Variants in FSIP1 observed in about 807,000 individuals in gnomAD.
FSIP1 encodes fibrous sheath-interacting protein 1.
FSIP1 carries 65 observed loss-of-function variants against 60.9 expected under a neutral mutation model. That is an observed-to-expected ratio of 1.07 (90% CI 0.87 to 1.31). The LOEUF is 1.31. Ranked by LOEUF, FSIP1 falls within the 40% of genes most tolerant of loss-of-function variation. The pLI is 0.00. For missense variants in FSIP1, 675 were observed against 665.5 expected (o/e 1.01, Z -0.16); for synonymous variants, 209 against 221.2 (o/e 0.94, Z 0.49).
intron 2 of FSIP1, among the ~76,000 whole-genome samples, chr15:39,774,784 T>C (rs1343966824): frequency 6.6e-6 from 1 of 152,090 alleles, no homozygotes; most frequent in Non-Finnish European, 1.5e-5. Context: ...GGCAGAAAAA[T>C]ATCAAAGGCA....
chr15:39,708,025 C>T (rs778649906), intron 10 of FSIP1, among the ~76,000 whole-genome samples: 1 of 152,178 alleles, frequency 6.6e-6, no homozygotes, highest in Non-Finnish European at 1.5e-5. Flanking sequence ...GATGGAGAGA[C>T]TGTCTGTGGG....
intron 11 of FSIP1, among the ~76,000 whole-genome samples, chr15:39,614,516 G>A (rs1049572047): frequency 1.2e-4 from 18 of 151,928 alleles, no homozygotes; most frequent in African/African-American, 4.3e-4. Flanking sequence ...GTGGTGGCAC[G>A]CACCTGTAAT....
chr15:39,724,578 C>T (rs1210261138), intron 9 of FSIP1, among the ~76,000 whole-genome samples: 1 of 152,106 alleles, frequency 6.6e-6, no homozygotes, highest in Non-Finnish European at 1.5e-5. Flanking sequence ...ATTTGAAGTC[C>T]TAATAGCCAA....
At chr15:39,772,244 C>T (rs1335879663) in intron 2 of FSIP1, among the ~76,000 whole-genome samples, 17 of 152,286 alleles carry the variant, frequency 1.1e-4, no homozygotes, top group African/African-American at 3.6e-4. Context: ...GGCCTATATG[C>T]ATGATTTTTC....
At chr15:39,612,892 G>A (rs546165587) in intron 11 of FSIP1, among the ~76,000 whole-genome samples, 2 of 151,702 alleles carry the variant, frequency 1.3e-5, no homozygotes, top group African/African-American at 2.4e-5. Context: ...TAATATAAAC[G>A]ACCAAAAATA....
chr15:39,622,986 AAC>A (rs1392988090), intron 10 of FSIP1, among the ~76,000 whole-genome samples: 2 of 152,040 alleles, frequency 1.3e-5, no homozygotes, highest in Non-Finnish European at 2.9e-5. Flanking sequence ...GTTTTATGCA[AAC>A]ATATATAGTG....
At chr15:39,699,619 C>T (rs1203367123) in intron 10 of FSIP1, among the ~76,000 whole-genome samples, 3 of 152,316 alleles carry the variant, frequency 2.0e-5, no homozygotes, top group Admixed American at 6.5e-5. Context: ...TGCTATTCAA[C>T]ATGGCCTCAC....
chr15:39,767,422 C>A (rs1008131876), intron 3 of FSIP1, among the ~76,000 whole-genome samples: 2 of 152,188 alleles, frequency 1.3e-5, no homozygotes, highest in Admixed American at 6.5e-5. Context: ...ATTATAATAT[C>A]TTTGAGACAG....
intron 11 of FSIP1, among the ~76,000 whole-genome samples, chr15:39,602,696 C>T (rs917806203): frequency 1.3e-5 from 2 of 152,120 alleles, no homozygotes; most frequent in African/African-American, 4.8e-5. Context: ...TCCACGCCTT[C>T]GTAAGTGCTA....
Position 39,617,897 on chromosome 15 carries a change from C to G in FSIP1, c.1537G>C (p.Val513Leu). The change falls in exon 11 of 12, where the codon GTT becomes CTT. Residue 513 changes from valine to leucine, a missense_variant. By Grantham distance (32) the Val-to-Leu change is conservative. Transcript: ENST00000350221. ...NMKCLQFSKDVIISDTKDYFM... is the reference protein window; with the variant it reads ...NMKCLQFSKDLIISDTKDYFM... Reference sequence around the variant, plus strand: ...TAGTCTTTTGTGTCACTAATAATAACGTCCTTGGAAAATTGAAGGCATTTC... The same window carrying G: ...TAGTCTTTTGTGTCACTAATAATAAGGTCCTTGGAAAATTGAAGGCATTTC... 1 of 1,614,140 alleles carries G rather than the reference C, an allele frequency of 6.2e-7. No individual in the cohort carries two copies. The highest frequency in any genetic ancestry group is 8.5e-7 in the Non-Finnish European group (1 of 1,180,008).
At chr15:39,671,948 A>G (rs942656812) in intron 10 of FSIP1, among the ~76,000 whole-genome samples, 2 of 152,212 alleles carry the variant, frequency 1.3e-5, no homozygotes, top group Non-Finnish European at 1.5e-5. Flanking sequence ...CAAAGAGCAC[A>G]GAGAATCCAA....
At chr15:39,707,203 C>G (rs1895308377) in intron 10 of FSIP1, among the ~76,000 whole-genome samples, 1 of 152,172 alleles carries the variant, frequency 6.6e-6, no homozygotes, top group South Asian at 2.1e-4. Flanking sequence ...TGAGGGCTGT[C>G]AGAGAAACCT....
At chr15:39,615,686 C>T (rs1018215647) in intron 11 of FSIP1, among the ~76,000 whole-genome samples, 1 of 149,268 alleles carries the variant, frequency 6.7e-6, no homozygotes, top group African/African-American at 2.5e-5. Context: ...AGATCAAGAC[C>T]ATCCTGGCTA....
chr15:39,719,031 C>G (rs967396612), intron 9 of FSIP1, among the ~76,000 whole-genome samples: 7 of 152,166 alleles, frequency 4.6e-5, no homozygotes, highest in African/African-American at 1.7e-4. Context: ...GGATATATAA[C>G]AGCTTTCTTC....
At chr15:39,618,721 C>G (rs536224641) in intron 10 of FSIP1, among the ~76,000 whole-genome samples, 1 of 152,220 alleles carries the variant, frequency 6.6e-6, no homozygotes, top group Non-Finnish European at 1.5e-5. Flanking sequence ...ATCATGCATA[C>G]TTAATCTCTG....
chr15:39,615,209 A>G (rs1891179660), intron 11 of FSIP1, among the ~76,000 whole-genome samples: 1 of 152,202 alleles, frequency 6.6e-6, no homozygotes, highest in Non-Finnish European at 1.5e-5. Flanking sequence ...TGGTCTGAGC[A>G]GTGACTTTTT....
chr15:39,732,113 G>T (rs953509008), intron 8 of FSIP1, among the ~76,000 whole-genome samples: 1 of 152,154 alleles, frequency 6.6e-6, no homozygotes, highest in African/African-American at 2.4e-5. Flanking sequence ...AGACAACCTA[G>T]ATCCCTCCCA....
In FSIP1 at chr15:39,770,626, A is replaced by AG; in HGVS notation, c.127-17_127-16insC. The stretch of plus-strand genomic sequence containing the variant: ...CAGTATCGACCTAAAAATAATTTCA[A>AG]AAAAAAAACAGTTTCCGAAAATACT... On this transcript the variant is annotated splice_polypyrimidine_tract_variant and intron_variant, in intron 2 of 11. Transcript: ENST00000350221. 1 of 1,431,876 alleles carries AG rather than the reference A, an allele frequency of 7.0e-7. No homozygotes were observed. Among genetic ancestry groups the AG allele is most frequent in the Non-Finnish European group, 9.2e-7 (1 of 1,082,838 alleles). The allele number at this position is 1,431,876 out of a possible 1,614,324, so 88.7% of individuals were successfully genotyped here. A position where few individuals can be genotyped will look rare whatever the true frequency, so the allele number is the denominator to read the frequency against.
At chr15:39,746,809 G>A (rs1373650062) in intron 5 of FSIP1, among the ~76,000 whole-genome samples, 1 of 149,956 alleles carries the variant, frequency 6.7e-6, no homozygotes, top group African/African-American at 2.4e-5. Flanking sequence ...ACAAGAGGAT[G>A]GGATTATAAA....
Sources: gnomAD v4.1 joint callset for allele counts (sites outside exome capture counted in the v4.1 genomes callset) on GRCh38, gnomAD v4.1.1 for gene constraint, MANE v1.5 for transcripts, NCBI Gene and HGNC (gene_info 2026-07-23, HGNC 2026-07-21) for gene names.